SAMSN1: variants seen among roughly 807,000 people sequenced by gnomAD.
SAMSN1 encodes the protein SAM domain-containing protein SAMSN-1.
In SAMSN1, 31 loss-of-function variants were observed where a neutral mutation model predicts 42.0. That is an observed-to-expected ratio of 0.74 (90% CI 0.55 to 1.00). The LOEUF (loss-of-function observed/expected upper bound fraction) is 1.00. Among genes scored for constraint, SAMSN1 ranks in the 50% least tolerant of loss-of-function variants. The probability of loss-of-function intolerance (pLI) is 0.00; values close to 1 mark genes in which losing one functional copy is unlikely to be tolerated. For missense variants in SAMSN1, 464 were observed against 439.4 expected, an observed-to-expected ratio of 1.06 and a Z score of -0.50; for synonymous variants, 178 against 151.9, an observed-to-expected ratio of 1.17 and a Z score of -1.26.
intron 3 of SAMSN1, among the ~76,000 whole-genome samples, chr21:14,515,826 G>A (rs781473222): frequency 2.0e-5 from 3 of 151,946 alleles, no homozygotes; most frequent in Non-Finnish European, 4.4e-5. Context: ...AATTAAAAAC[G>A]AACAATGGAT....
chr21:14,581,712 G>A (rs902112902), intron 2 of SAMSN1, among the ~76,000 whole-genome samples: 6 of 152,020 alleles, frequency 3.9e-5, no homozygotes, highest in Non-Finnish European at 7.4e-5. Flanking sequence ...TTACCTTATA[G>A]AGTTGATGTG....
intron 2 of SAMSN1, among the ~76,000 whole-genome samples, chr21:14,563,271 C>T (rs2123202984): frequency 6.6e-6 from 1 of 152,258 alleles, no homozygotes; most frequent in South Asian, 2.1e-4. Context: ...AATACCATAA[C>T]TGACACTGAT....
rs560058127 is a variant in SAMSN1, at chr21:14,571,146, AT to A, written c.261+10989del. On this transcript the variant is annotated intron_variant, in intron 2 of 8. Coordinates refer to the SAMSN1 transcript ENST00000285670. ...AATCATAGCTCTTATCAAAGCTGGCATTTCATGTTTATTTATGTGATTAAAT... is the reference window on the plus strand; with the variant it reads ...AATCATAGCTCTTATCAAAGCTGGCATTCATGTTTATTTATGTGATTAAAT... 9.8e-4 allele frequency among the ~76,000 whole-genome samples: 149 copies of A among 152,286 alleles called. 1 individual carries two copies. The highest frequency in any genetic ancestry group is 1.8e-3 in the Non-Finnish European group (120 of 68,032).
chr21:14,543,655 T>C (rs1980188169), intron 1 of SAMSN1, among the ~76,000 whole-genome samples: 1 of 152,176 alleles, frequency 6.6e-6, no homozygotes, highest in Non-Finnish European at 1.5e-5. Flanking sequence ...GCATTTGAAT[T>C]GTCCAATAGG....
intron 7 of SAMSN1, among the ~76,000 whole-genome samples, chr21:14,488,941 G>A (rs1402034324): frequency 6.6e-6 from 1 of 152,150 alleles, no homozygotes; most frequent in African/African-American, 2.4e-5. Flanking sequence ...GGAGATGAAA[G>A]CTATATCGCA....
At position 14,564,571 on chromosome 21, in the gene SAMSN1, G is replaced by A. The variant is rs566122147; in HGVS notation, c.261+17565C>T. 2.6e-4 allele frequency among the ~76,000 whole-genome samples: 40 copies of A among 152,290 alleles called. No individual in the cohort carries two copies. In the South Asian group the frequency reaches 5.4e-3, roughly 20 times the overall value. On this transcript the variant is annotated intron_variant, in intron 2 of 8. Coordinates refer to the SAMSN1 transcript ENST00000285670. ...TGTACCACACAGCCAAACCTGTCATGCAGAATAAAACTCACAAGATAATTA... is the reference window on the plus strand; with the variant it reads ...TGTACCACACAGCCAAACCTGTCATACAGAATAAAACTCACAAGATAATTA...
chr21:14,644,518 A>G (rs1983675420), intron 1 of SAMSN1, among the ~76,000 whole-genome samples: 1 of 152,112 alleles, frequency 6.6e-6, no homozygotes, highest in Non-Finnish European at 1.5e-5. Context: ...GCCAGCAGTG[A>G]TACCCAGGTA....
chr21:14,502,261 C>T (rs1045449196), intron 5 of SAMSN1, among the ~76,000 whole-genome samples: 4 of 137,938 alleles, frequency 2.9e-5, no homozygotes, highest in African/African-American at 1.2e-4. Context: ...GTTAGGCTTT[C>T]TGCCTTTAAT....
At chr21:14,513,141 A>C (rs1325164407) in intron 3 of SAMSN1, among the ~76,000 whole-genome samples, 4 of 152,248 alleles carry the variant, frequency 2.6e-5, no homozygotes, top group Non-Finnish European at 5.9e-5. Flanking sequence ...CAAATCTTGC[A>C]TAAAATTAGA....
At chr21:14,636,016 T>C (rs113067324) in intron 2 of SAMSN1, among the ~76,000 whole-genome samples, 5 of 152,238 alleles carry the variant, frequency 3.3e-5, no homozygotes, top group African/African-American at 1.2e-4. Context: ...TGTGTCCAAG[T>C]GTTCTCATTG....
At chr21:14,502,379 C>T (rs565982524) in intron 5 of SAMSN1, among the ~76,000 whole-genome samples, 4 of 152,162 alleles carry the variant, frequency 2.6e-5, no homozygotes, top group African/African-American at 9.7e-5. Flanking sequence ...TGCATCCTTC[C>T]TATTATCCTT....
rs573477046 is a variant in SAMSN1 at position 14,643,884 on chromosome 21, G to A, written c.25-751C>T. Among the ~76,000 whole-genome samples the A allele has an allele frequency of 7.2e-5, 11 of 152,308 alleles. No individual in the cohort carries two copies. In the South Asian group the frequency reaches 1.4e-3, roughly 20 times the overall value. Reference sequence around the variant, plus strand: ...CTGGGGAAGGGAGAACACAGCCATCGTGCGGCATTGAACTTAGTGCTGTCC... The same window carrying A: ...CTGGGGAAGGGAGAACACAGCCATCATGCGGCATTGAACTTAGTGCTGTCC... On this transcript the variant is annotated intron_variant, in intron 1 of 15. Coordinates refer to the SAMSN1 transcript ENST00000647101.
chr21:14,507,618 T>G (rs1348981409), intron 5 of SAMSN1, among the ~76,000 whole-genome samples: 1 of 152,166 alleles, frequency 6.6e-6, no homozygotes, highest in Non-Finnish European at 1.5e-5. Flanking sequence ...AAAAGGACCA[T>G]ACTGTCAAAA....
intron 6 of SAMSN1, chr21:14,601,941 T>C (rs1568826788): frequency 2.0e-6 from 1 of 511,606 alleles, no homozygotes; most frequent in South Asian, 3.3e-5. Flanking sequence ...GTGTAAGTAT[T>C]GTACACTATG....
At position 14,577,269 on chromosome 21, in the gene SAMSN1, TATATATATATATATA is replaced by T. The variant is rs1190926460; in HGVS notation, c.261+4852_261+4866del. On this transcript the variant is annotated intron_variant, in intron 2 of 8. Transcript: ENST00000285670. ...ATATATATATATATATATATATATA[TATATATATATATATA>T]TTTTTTTTTTAGAAGAGACAGGGTT... Among the ~76,000 whole-genome samples the T allele has an allele frequency of 1.1e-3, 60 of 52,546 alleles. 5 individuals are homozygous for T. In the East Asian group the frequency reaches 0.014, roughly 12 times the overall value. The allele number at this position is 52,546 out of a possible 152,430, so 34.5% of individuals were successfully genotyped here.
intron 6 of SAMSN1, among the ~76,000 whole-genome samples, chr21:14,600,562 A>G (rs1982401678): frequency 6.6e-6 from 1 of 152,186 alleles, no homozygotes. Context: ...AACCTTCAGA[A>G]GCATTGTTGT....
At chr21:14,652,289 T>G (rs1348854031) in intron 1 of SAMSN1, among the ~76,000 whole-genome samples, 6 of 152,058 alleles carry the variant, frequency 3.9e-5, no homozygotes, top group Non-Finnish European at 5.9e-5. Context: ...GACTTCAAAT[T>G]AGACTACAGA....
intron 7 of SAMSN1, among the ~76,000 whole-genome samples, chr21:14,488,494 T>C (rs1986539204): frequency 6.6e-6 from 1 of 152,200 alleles, no homozygotes; most frequent in East Asian, 1.9e-4. Context: ...ATTTAGCTTG[T>C]TATTTCACTC....
chr21:14,535,816 C>T (rs542246660), intron 1 of SAMSN1, among the ~76,000 whole-genome samples: 1 of 152,242 alleles, frequency 6.6e-6, no homozygotes, highest in South Asian at 2.1e-4. Flanking sequence ...TGAAACCCAC[C>T]CTGCCAGCAC....
Sources: allele counts gnomAD v4.1 joint callset (sites outside exome capture counted in the v4.1 genomes callset), GRCh38; gene constraint gnomAD v4.1.1; transcripts MANE v1.5; gene names NCBI Gene and HGNC (gene_info 2026-07-23, HGNC 2026-07-21).